Variants in CACNA1H observed in about 807,000 individuals in gnomAD.
CACNA1H encodes the protein calcium voltage-gated channel subunit alpha1 H.
In CACNA1H, 149 loss-of-function variants were observed where a neutral mutation model predicts 192.5. That is an observed-to-expected ratio of 0.77 (90% CI 0.68 to 0.89). The LOEUF (loss-of-function observed/expected upper bound fraction) is 0.89. Among genes scored for constraint, CACNA1H ranks in the 40% least tolerant of loss-of-function variants. The pLI, the probability that CACNA1H is intolerant of heterozygous loss-of-function variation, is 0.00. For missense variants in CACNA1H, 4,257 were observed against 3,423.5 expected (o/e 1.24, Z -6.08); for synonymous variants, 2,202 against 1,475.2 (o/e 1.49, Z -11.29).
chr16:1,163,277 G>T (rs1963412538), intron 2 of CACNA1H, among the ~76,000 whole-genome samples: 1 of 152,258 alleles, frequency 6.6e-6, no homozygotes, highest in Admixed American at 6.5e-5. Flanking sequence ...GCAGGGCCAG[G>T]TGGGTGTCGG....
chr16:1,166,815 T>A (rs1963833303), intron 2 of CACNA1H, among the ~76,000 whole-genome samples: 1 of 152,168 alleles, frequency 6.6e-6, no homozygotes, highest in Non-Finnish European at 1.5e-5. Context: ...GCGGTGTTTA[T>A]CTCTTCACCG....
intron 2 of CACNA1H, among the ~76,000 whole-genome samples, chr16:1,168,284 A>G: frequency 6.6e-6 from 1 of 151,490 alleles, no homozygotes; most frequent in East Asian, 1.9e-4. Flanking sequence ...AGCAACCCCC[A>G]TCTCCTCCCT....
chr16:1,170,394 G>A (rs1964247707), intron 2 of CACNA1H, among the ~76,000 whole-genome samples: 1 of 152,196 alleles, frequency 6.6e-6, no homozygotes, highest in South Asian at 2.1e-4. Flanking sequence ...GGGTAACACT[G>A]GGCAGAAGCA....
intron 2 of CACNA1H, among the ~76,000 whole-genome samples, chr16:1,192,131 A>G (rs1394142985): frequency 6.6e-6 from 1 of 152,162 alleles, no homozygotes; most frequent in East Asian, 1.9e-4. Context: ...CTTGGAAAAG[A>G]CAGCACCCCA....
In CACNA1H at chr16:1,211,338, A is replaced by G. The variant is rs1257101637; in HGVS notation, c.4350+44A>G. 6 of 1,610,378 alleles carry G rather than the reference A, an allele frequency of 3.7e-6. No individual in the cohort carries two copies. The African/African-American group carries it at 5.3e-5, about 14-fold the overall frequency. ...CCCGGGGGTCTGCCCCGTCGCAGAC[A>G]GGGTCTGCCTTCCCAGCGTGGCTCC... On this transcript the variant is annotated intron_variant, in intron 22 of 34. Transcript: ENST00000348261.
chr16:1,183,461 C>G (rs1965676410), intron 2 of CACNA1H, among the ~76,000 whole-genome samples: 1 of 152,192 alleles, frequency 6.6e-6, no homozygotes. Flanking sequence ...ATGGCAGCGG[C>G]CTCCGGGGAA....
chr16:1,154,320 G>A (rs1313176153), intron 2 of CACNA1H, among the ~76,000 whole-genome samples: 1 of 152,174 alleles, frequency 6.6e-6, no homozygotes, highest in African/African-American at 2.4e-5. Flanking sequence ...GGCTTGGAGG[G>A]GAGAGGAGTC....
rs1402022080 is a variant in CACNA1H at position 1,221,642 on chromosome 16, A to C, written c.*648A>C. On this transcript the variant is annotated 3_prime_UTR_variant, in exon 35 of 35. Transcript: ENST00000348261. ...TGGGGGCGTTGGCCGCGAGATTCCC[A>C]TTGACACCTTTGTTTCGTGTGCTTT... is the stretch of plus-strand genomic sequence containing the variant. 2.2e-6 allele frequency: 2 copies of C among 918,876 alleles called. No homozygotes were observed. Among genetic ancestry groups the C allele is most frequent in the African/African-American group, 3.4e-5 (2 of 59,432 alleles). 56.9% of individuals were successfully genotyped at this position (918,876 alleles called of 1,614,324 possible).
At position 1,201,655 on chromosome 16, in the gene CACNA1H, C is replaced by G; in HGVS notation, c.1213-8C>G. 6.3e-7 allele frequency: 1 copy of G among 1,579,348 alleles called. No homozygotes were observed. Among genetic ancestry groups the G allele is most frequent in the Non-Finnish European group, 8.6e-7 (1 of 1,161,074 alleles). On this transcript the variant is annotated splice_region_variant and splice_polypyrimidine_tract_variant and intron_variant, in intron 8 of 34. Transcript: ENST00000348261. ...TCACTGCCACTTACCCGCCCGCCCCCGTCACAGGTGGGCTCCTTCTTCATG... is the reference window on the plus strand; with the variant it reads ...TCACTGCCACTTACCCGCCCGCCCCGGTCACAGGTGGGCTCCTTCTTCATG...
In CACNA1H at chr16:1,217,899, C is replaced by CG. The variant is rs1567553970; in HGVS notation, c.5324-16dup. 1 of 1,584,638 alleles carries CG rather than the reference C, an allele frequency of 6.3e-7. No individual in the cohort carries two copies. The highest frequency in any genetic ancestry group is 1.8e-5 in the Admixed American group (1 of 57,066). On this transcript the variant is annotated intron_variant, in intron 31 of 34. Transcript: ENST00000348261. ...CCCGGAGCGGGCTCGGCTGACCGGGCGGGGTCTCCCTCCCCGCAGAGTGCA... is the reference window on the plus strand; with the variant it reads ...CCCGGAGCGGGCTCGGCTGACCGGGCGGGGGTCTCCCTCCCCGCAGAGTGCA...
rs1032290453 is a variant in CACNA1H, at chr16:1,200,107, C to T, written c.804-149C>T. 15 of 655,432 alleles carry T rather than the reference C, an allele frequency of 2.3e-5. No individual in the cohort carries two copies. The Admixed American group carries it at 3.7e-4, about 16-fold the overall frequency. The allele number at this position is 655,432 out of a possible 1,614,324, so 40.6% of individuals were successfully genotyped here. A position where few individuals can be genotyped will look rare whatever the true frequency, so the allele number is the denominator to read the frequency against. On this transcript the variant is annotated intron_variant, in intron 6 of 34. Transcript: ENST00000348261. ...GTCCTATCATGCCCCCTGACCCTAA[C>T]CGTGCCTCCCTAACCATGATTAGTC... is the stretch of plus-strand genomic sequence containing the variant.
rs1045232573 is a variant in CACNA1H, at chr16:1,206,088, C to T, written c.2604-16C>T. The T allele has an allele frequency of 1.5e-5, 24 of 1,555,188 alleles. No individual in the cohort carries two copies. The highest frequency in any genetic ancestry group is 2.7e-5 in the African/African-American group (2 of 73,680). On this transcript the variant is annotated splice_polypyrimidine_tract_variant and intron_variant, in intron 11 of 34. Transcript: ENST00000348261. Reference sequence around the variant, plus strand: ...GGATCGTGGCCCCGCTGACCCTCGCCCCCACCTGTCCGCAGCGTCTGGGAG... The same window carrying T: ...GGATCGTGGCCCCGCTGACCCTCGCTCCCACCTGTCCGCAGCGTCTGGGAG...
chr16:1,202,311 G>A lies in CACNA1H; in HGVS notation c.1861G>A (p.Val621Met), dbSNP rs1300093195. 5.1e-6 allele frequency: 8 copies of A among 1,584,076 alleles called. No homozygotes were observed. The East Asian group carries it at 1.6e-4, about 32-fold the overall frequency. Residue 621 changes from valine to methionine, a missense_variant, in exon 9 of 35, where the codon GTG becomes ATG. Coordinates refer to ENST00000348261, the MANE Select transcript of CACNA1H (RefSeq NM_021098.3). ...CTACCCCACGATCCTGCCCTCAGGG[G>A]TGGGCAGCGGCAAAGGCAGCACCAG... ...MNYPTILPSG[V>M]GSGKGSTSPG...
rs752103710 is a variant in CACNA1H, at chr16:1,195,078, C to T, written c.406C>T (p.Leu136=). ...VECGSERCNI[L]EAFDAFIFAF... Reference sequence around the variant, plus strand: ...GTGCGGCTCCGAGCGCTGCAACATCCTGGAGGTGAGGGGCGTGGGTCGGGG... The same window carrying T: ...GTGCGGCTCCGAGCGCTGCAACATCTTGGAGGTGAGGGGCGTGGGTCGGGG... Residue 136 remains leucine, a synonymous_variant, in exon 3 of 35, where the codon CTG becomes TTG. Transcript: ENST00000348261. 3.5e-6 allele frequency: 5 copies of T among 1,444,456 alleles called. No individual in the cohort carries two copies. The highest frequency in any genetic ancestry group is 1.1e-5 in the South Asian group (1 of 88,698). 89.5% of individuals were successfully genotyped at this position (1,444,456 alleles called of 1,614,324 possible).
In CACNA1H at chr16:1,210,795, C is replaced by T. The variant is rs1319309808; in HGVS notation, c.4047C>T (p.Ala1349=). ...CCATTGGCCCTCCGCAGGTGGTGGC[C>T]CTGGGGCTGCTGTCCGGCGAGCACG... ...FVAEMMVKVV[A]LGLLSGEHAY... is the part of the protein sequence containing the mutation. Residue 1349 remains alanine, a synonymous_variant, in exon 21 of 35, where the codon GCC becomes GCT. Coordinates refer to ENST00000348261, the MANE Select transcript of CACNA1H (RefSeq NM_021098.3). 1 of 1,600,950 alleles carries T rather than the reference C, an allele frequency of 6.2e-7. No homozygotes were observed. Among genetic ancestry groups the T allele is most frequent in the Non-Finnish European group, 8.5e-7 (1 of 1,179,678 alleles).
chr16:1,199,739 C>T (rs1478298234), intron 6 of CACNA1H, among the ~76,000 whole-genome samples: 1 of 151,094 alleles, frequency 6.6e-6, no homozygotes, highest in African/African-American at 2.4e-5. Context: ...GTCCCCTGAG[C>T]CCACACCCCG....
chr16:1,203,928 C>G, intron 9 of CACNA1H, 82 bp from the exon 10 acceptor site: 1 of 1,023,252 alleles, frequency 9.8e-7, no homozygotes, highest in South Asian at 1.7e-5. Flanking sequence ...ATTCACCCCA[C>G]CGCTCCTGTG....
Position 1,221,531 on chromosome 16 carries a change from C to T in CACNA1H, c.*537C>T. 2.1e-6 allele frequency: 1 copy of T among 474,130 alleles called. No individual in the cohort carries two copies. Among genetic ancestry groups the T allele is most frequent in the Non-Finnish European group, 3.7e-6 (1 of 268,600 alleles). 29.4% of individuals were successfully genotyped at this position (474,130 alleles called of 1,614,324 possible). A position where few individuals can be genotyped will look rare whatever the true frequency, so the allele number is the denominator to read the frequency against. On this transcript the variant is annotated 3_prime_UTR_variant, in exon 35 of 35. Coordinates refer to ENST00000348261, the MANE Select transcript of CACNA1H (RefSeq NM_021098.3). ...GGGCCTTCCCAGAAGCGTCCTGTGA[C>T]TCTGGGAGAGGTGACACCTCACTAA...
At chr16:1,211,875 C>T in intron 24 of CACNA1H, 70 bp downstream of exon 24, 1 of 1,609,846 alleles carries the variant, frequency 6.2e-7, no homozygotes, top group Non-Finnish European at 8.5e-7. Context: ...CCTCTGGGGA[C>T]TCGGGGGGCC....
Sources: gnomAD v4.1 joint callset for allele counts (sites outside exome capture counted in the v4.1 genomes callset) on GRCh38, gnomAD v4.1.1 for gene constraint, MANE v1.5 for transcripts, NCBI Gene and HGNC (gene_info 2026-07-23, HGNC 2026-07-21) for gene names.